Variants in KLHL1 observed in about 807,000 individuals in gnomAD.
The protein encoded by KLHL1 is kelch-like protein 1.
Under a neutral mutation model 77.7 loss-of-function variants are expected in KLHL1, and 47 were observed. The observed-to-expected ratio is 0.60, with a 90% confidence interval of 0.48 to 0.77. The LOEUF is 0.77. Among genes scored for constraint, KLHL1 ranks in the 30% least tolerant of loss-of-function variants. The pLI is 0.00. For missense variants in KLHL1, 925 were observed against 910.8 expected, an observed-to-expected ratio of 1.02 and a Z score of -0.20; for synonymous variants, 360 against 325.2, an observed-to-expected ratio of 1.11 and a Z score of -1.15.
At chr13:69,749,066 C>T (rs1013029266) in intron 7 of KLHL1, among the ~76,000 whole-genome samples, 5 of 151,972 alleles carry the variant, frequency 3.3e-5, no homozygotes, top group Non-Finnish European at 7.4e-5. Flanking sequence ...ACAATATTTC[C>T]AAACTCTAGC....
At chr13:70,077,954 G>T (rs996228161) in intron 1 of KLHL1, among the ~76,000 whole-genome samples, 2 of 151,938 alleles carry the variant, frequency 1.3e-5, no homozygotes, top group African/African-American at 4.8e-5. Context: ...TAAATAAAAG[G>T]TCAAGTAAAA....
At chr13:69,722,832 G>A (rs532594331) in intron 8 of KLHL1, among the ~76,000 whole-genome samples, 1 of 151,958 alleles carries the variant, frequency 6.6e-6, no homozygotes, top group Admixed American at 6.6e-5. Context: ...ATATTCAAAG[G>A]AAATGAAACC....
chr13:69,854,723 C>T (rs1019580), intron 5 of KLHL1, among the ~76,000 whole-genome samples: 10,689 of 152,044 alleles, frequency 0.07, 535 homozygotes, highest in Non-Finnish European at 0.1. Flanking sequence ...AACAATTTTG[C>T]TCCAGTTTCT....
intron 1 of KLHL1, among the ~76,000 whole-genome samples, chr13:70,104,946 A>G (rs559981463): frequency 6.6e-6 from 1 of 152,184 alleles, no homozygotes; most frequent in South Asian, 2.1e-4. Context: ...ACTGATAATG[A>G]TTAATTGCTA....
chr13:69,955,643 A>G (rs1380791938), intron 3 of KLHL1, among the ~76,000 whole-genome samples: 1 of 151,006 alleles, frequency 6.6e-6, no homozygotes, highest in African/African-American at 2.4e-5. Context: ...ACTATGTAAG[A>G]GATAAACTAG....
intron 10 of KLHL1, among the ~76,000 whole-genome samples, chr13:69,704,005 T>C (rs948817057): frequency 6.6e-6 from 1 of 151,704 alleles, no homozygotes; most frequent in Admixed American, 6.6e-5. Context: ...TGGGATTATA[T>C]TGGGTAATTG....
At chr13:69,895,110 A>T in intron 4 of KLHL1, 1 of 465,266 alleles carries the variant, frequency 2.1e-6, no homozygotes, top group South Asian at 1.7e-5. Context: ...TTTTCTTCTA[A>T]TGGTTTCATT....
intron 7 of KLHL1, among the ~76,000 whole-genome samples, chr13:69,787,838 T>A (rs1038483822): frequency 6.6e-6 from 1 of 152,038 alleles, no homozygotes; most frequent in Non-Finnish European, 1.5e-5. Context: ...CATCAAAAAG[T>A]GGGCAAATGA....
intron 9 of KLHL1, among the ~76,000 whole-genome samples, chr13:69,709,911 G>A (rs9317835): frequency 0.99 from 150,601 of 151,942 alleles, 74,644 homozygotes; most frequent in East Asian, 1. Flanking sequence ...AATAATTTAT[G>A]TAGAATACAG....
At chr13:70,048,235 G>C in intron 1 of KLHL1, among the ~76,000 whole-genome samples, 1 of 152,146 alleles carries the variant, frequency 6.6e-6, no homozygotes, top group East Asian at 1.9e-4. Context: ...AATCCTGAAC[G>C]TGGTTCTGTG....
chr13:70,060,350 G>T lies in KLHL1; in HGVS notation c.497+46853C>A, dbSNP rs1393033193. Among the ~76,000 whole-genome samples, 4 of 152,144 alleles carry T rather than the reference G, an allele frequency of 2.6e-5. No homozygotes were observed. The East Asian group carries it at 7.7e-4, about 29-fold the overall frequency. ...ATTAGTACAACCACTATAGAGAACA[G>T]TATGCAGGTTCTGCAAAAACCTAAA... On this transcript the variant is annotated intron_variant, in intron 1 of 10. Coordinates refer to ENST00000377844, the MANE Select transcript of KLHL1 (RefSeq NM_020866.3).
chr13:69,838,268 A>G (rs1879108087), intron 6 of KLHL1, among the ~76,000 whole-genome samples: 1 of 151,734 alleles, frequency 6.6e-6, no homozygotes, highest in Non-Finnish European at 1.5e-5. Flanking sequence ...TAAATACTTG[A>G]AATATTTTAT....
chr13:69,787,514 G>A (rs1487265025), intron 7 of KLHL1, among the ~76,000 whole-genome samples: 4 of 152,040 alleles, frequency 2.6e-5, no homozygotes, highest in Non-Finnish European at 5.9e-5. Context: ...TTAATTCAAG[G>A]TGGATTAAAG....
At chr13:70,075,772 T>TATAC (rs1555295423) in intron 1 of KLHL1, among the ~76,000 whole-genome samples, 6 of 145,982 alleles carry the variant, frequency 4.1e-5, no homozygotes, top group African/African-American at 1.0e-4. Context: ...TATATATATA[T>TATAC]ACATATATAT....
intron 8 of KLHL1, among the ~76,000 whole-genome samples, chr13:69,737,540 C>T (rs1337916694): frequency 2.6e-5 from 4 of 152,200 alleles, no homozygotes; most frequent in Non-Finnish European, 5.9e-5. Flanking sequence ...TCAGCTGTTT[C>T]CCTCTGCTGC....
chr13:69,976,463 A>G (rs967131330), intron 1 of KLHL1, among the ~76,000 whole-genome samples: 20 of 151,970 alleles, frequency 1.3e-4, no homozygotes, highest in African/African-American at 4.3e-4. Context: ...TTGTTACTTC[A>G]TGTATTAATA....
chr13:69,741,011 A>G (rs1169408872), intron 7 of KLHL1, among the ~76,000 whole-genome samples: 2 of 152,120 alleles, frequency 1.3e-5, no homozygotes, highest in Non-Finnish European at 2.9e-5. Flanking sequence ...GTTACTTACA[A>G]CAATGTTACC....
At chr13:69,861,911 G>A (rs985989399) in intron 5 of KLHL1, among the ~76,000 whole-genome samples, 1 of 150,806 alleles carries the variant, frequency 6.6e-6, no homozygotes, top group South Asian at 2.1e-4. Context: ...GTTGTGGTGA[G>A]CCAAGATCAC....
At chr13:70,079,474 AAT>A (rs1472811366) in intron 1 of KLHL1, among the ~76,000 whole-genome samples, 1 of 152,196 alleles carries the variant, frequency 6.6e-6, no homozygotes. Context: ...TCCATTTTAT[AAT>A]GTCTCAAAAA....
Sources: allele counts gnomAD v4.1 joint callset (sites outside exome capture counted in the v4.1 genomes callset), GRCh38; gene constraint gnomAD v4.1.1; transcripts MANE v1.5; gene names NCBI Gene and HGNC (gene_info 2026-07-23, HGNC 2026-07-21).